The following RNF216 variants were observed in gnomAD, a reference collection of about 807,000 sequenced individuals.
RNF216 encodes the protein E3 ubiquitin-protein ligase RNF216.
A neutral mutation model predicts 110.8 loss-of-function variants in RNF216; 72 were observed. That is an observed-to-expected ratio of 0.65 (90% confidence interval 0.54 to 0.79). The LOEUF (loss-of-function observed/expected upper bound fraction) is 0.79, where lower values mean the gene tolerates loss of function less well. RNF216 is among the 30% of genes least tolerant of loss of function. The probability of loss-of-function intolerance (pLI) is 0.00; values close to 1 mark genes in which losing one functional copy is unlikely to be tolerated. For synonymous variants in RNF216, 495 were observed against 407.5 expected, an observed-to-expected ratio of 1.21 and a Z score of -2.59; for missense variants, 1,342 against 1,141.2, an observed-to-expected ratio of 1.18 and a Z score of -2.54.
At chr7:5,662,112 G>T (rs1255287768) in intron 13 of RNF216, among the ~76,000 whole-genome samples, 2 of 152,222 alleles carry the variant, frequency 1.3e-5, no homozygotes, top group Non-Finnish European at 2.9e-5. Flanking sequence ...CCGTGCAGCT[G>T]CAGCTGTGCA....
intron 8 of RNF216, 117 bp downstream of exon 8, chr7:5,725,207 G>C (rs757106327): frequency 2.1e-5 from 13 of 617,926 alleles, no homozygotes; most frequent in Admixed American, 1.3e-4. Flanking sequence ...GTCACTCCTT[G>C]GACTGGCCTG....
intron 9 of RNF216, among the ~76,000 whole-genome samples, chr7:5,718,501 A>G (rs118095970): frequency 0.031 from 4,773 of 152,308 alleles, 108 homozygotes; most frequent in Non-Finnish European, 0.046. Context: ...ACAAAAAAAC[A>G]AAACCAATTC....
intron 2 of RNF216, among the ~76,000 whole-genome samples, chr7:5,759,048 A>C (rs542073393): frequency 6.6e-6 from 1 of 152,252 alleles, no homozygotes; most frequent in South Asian, 2.1e-4. Context: ...TAAATGATTT[A>C]GCACAATCCG....
chr7:5,733,266 T>C (rs1210666751), intron 5 of RNF216: 1 of 152,196 alleles, frequency 6.6e-6, no homozygotes, highest in Non-Finnish European at 1.5e-5. Context: ...TTTTTGGATT[T>C]CACGAGAATT....
intron 14 of RNF216, among the ~76,000 whole-genome samples, chr7:5,644,230 T>A (rs1423605979): frequency 2.0e-5 from 3 of 152,252 alleles, no homozygotes; most frequent in East Asian, 1.9e-4. Flanking sequence ...ATATGGTAAT[T>A]CTATGTTTAA....
At chr7:5,647,263 A>G (rs933414450) in intron 14 of RNF216, among the ~76,000 whole-genome samples, 1 of 151,768 alleles carries the variant, frequency 6.6e-6, no homozygotes, top group Non-Finnish European at 1.5e-5. Context: ...GAGAAGAACT[A>G]AAGTTTGGTG....
At chr7:5,644,095 A>AT (rs1787905704) in intron 14 of RNF216, among the ~76,000 whole-genome samples, 1 of 152,116 alleles carries the variant, frequency 6.6e-6, no homozygotes, top group East Asian at 1.9e-4. Context: ...GAGTTGATGG[A>AT]TTGAGTTTTT....
chr7:5,679,039 G>A (rs1014045890), intron 13 of RNF216, among the ~76,000 whole-genome samples: 8 of 152,208 alleles, frequency 5.3e-5, no homozygotes, highest in African/African-American at 1.4e-4. Flanking sequence ...GAGTAAAGTT[G>A]TAAAATTTAA....
At chr7:5,711,521 G>T (rs965514228) in intron 13 of RNF216, among the ~76,000 whole-genome samples, 1 of 152,186 alleles carries the variant, frequency 6.6e-6, no homozygotes, top group Non-Finnish European at 1.5e-5. Context: ...CTGTCCTAAA[G>T]AAGATGATAT....
intron 14 of RNF216, among the ~76,000 whole-genome samples, chr7:5,650,667 C>A (rs954227346): frequency 1.3e-5 from 2 of 152,166 alleles, no homozygotes; most frequent in Non-Finnish European, 2.9e-5. Flanking sequence ...TCTTCAAAGC[C>A]AGCAACAGGG....
intron 2 of RNF216, among the ~76,000 whole-genome samples, chr7:5,760,128 G>A (rs1041445694): frequency 1.3e-5 from 2 of 152,080 alleles, no homozygotes; most frequent in African/African-American, 2.4e-5. Flanking sequence ...ATGTGAATTC[G>A]AATTTAACAG....
At chr7:5,643,302 G>A (rs1334060383) in intron 14 of RNF216, among the ~76,000 whole-genome samples, 1 of 151,870 alleles carries the variant, frequency 6.6e-6, no homozygotes. Flanking sequence ...TACCTAGCCA[G>A]TAATATAAAA....
intron 5 of RNF216, among the ~76,000 whole-genome samples, chr7:5,731,357 G>A (rs1470432968): frequency 1.3e-5 from 2 of 151,880 alleles, no homozygotes; most frequent in Admixed American, 6.5e-5. Context: ...AGTTACACGT[G>A]GTTTATTTAG....
intron 3 of RNF216, among the ~76,000 whole-genome samples, chr7:5,752,320 A>C (rs1362298912): frequency 6.6e-6 from 1 of 152,228 alleles, no homozygotes; most frequent in Non-Finnish European, 1.5e-5. Context: ...TTTCTGGCTG[A>C]GGAATATTAA....
intron 14 of RNF216, among the ~76,000 whole-genome samples, chr7:5,650,711 C>T (rs1181737924): frequency 6.6e-6 from 1 of 152,130 alleles, no homozygotes; most frequent in East Asian, 1.9e-4. Flanking sequence ...TTTGACTCTT[C>T]GTCCCACACT....
intron 1 of RNF216, among the ~76,000 whole-genome samples, chr7:5,774,272 T>G (rs892854333): frequency 2.0e-5 from 3 of 152,178 alleles, no homozygotes; most frequent in African/African-American, 7.2e-5. Flanking sequence ...AGAATACAGT[T>G]GTTTTAAAAT....
intron 13 of RNF216, among the ~76,000 whole-genome samples, chr7:5,704,522 G>A (rs1342560456): frequency 1.3e-5 from 2 of 152,222 alleles, no homozygotes; most frequent in African/African-American, 4.8e-5. Context: ...CTAAATGCAC[G>A]TAGCGATTTG....
At chr7:5,711,358 C>T (rs958476258) in intron 13 of RNF216, among the ~76,000 whole-genome samples, 1 of 152,032 alleles carries the variant, frequency 6.6e-6, no homozygotes, top group African/African-American at 2.4e-5. Context: ...ATCAAAGAAG[C>T]GTCGTTTGGA....
At chr7:5,655,933 TGCA>T (rs1291634794) in intron 13 of RNF216, among the ~76,000 whole-genome samples, 3 of 151,086 alleles carry the variant, frequency 2.0e-5, no homozygotes. Context: ...CTCGGCTTAC[TGCA>T]ACCTCCACCT....
Sources: gnomAD v4.1 joint callset for allele counts (sites outside exome capture counted in the v4.1 genomes callset) on GRCh38, gnomAD v4.1.1 for gene constraint, MANE v1.5 for transcripts, NCBI Gene and HGNC (gene_info 2026-07-23, HGNC 2026-07-21) for gene names.